Variants in AUTS2 observed in about 807,000 individuals in gnomAD.
The protein encoded by AUTS2 is autism susceptibility gene 2 protein.
In AUTS2, 17 loss-of-function variants were observed where a neutral mutation model predicts 112.4. The ratio of observed to expected loss-of-function variants is 0.15; its 90% confidence interval spans 0.10 to 0.23. The LOEUF is 0.23. Among genes scored for constraint, AUTS2 ranks in the 10% least tolerant of loss-of-function variants. The pLI, the probability that AUTS2 is intolerant of heterozygous loss-of-function variation, is 1.00. For synonymous variants in AUTS2, 751 were observed against 702.7 expected, an observed-to-expected ratio of 1.07 and a Z score of -1.09; for missense variants, 1,510 against 1,701.6, an observed-to-expected ratio of 0.89 and a Z score of 1.98.
chr7:70,543,503 T>A (rs1298848130), intron 5 of AUTS2, among the ~76,000 whole-genome samples: 9 of 144,962 alleles, frequency 6.2e-5, no homozygotes, highest in African/African-American at 1.8e-4. Flanking sequence ...CACTTGAGCC[T>A]AGGCGACAGA....
intron 1 of AUTS2, among the ~76,000 whole-genome samples, chr7:69,629,740 T>C (rs978472916): frequency 2.6e-5 from 4 of 152,120 alleles, no homozygotes; most frequent in Non-Finnish European, 4.4e-5. Flanking sequence ...GGGGACTTGC[T>C]CTCTGTGGTG....
At chr7:69,751,644 ACTT>A (rs969648335) in intron 1 of AUTS2, among the ~76,000 whole-genome samples, 1 of 152,128 alleles carries the variant, frequency 6.6e-6, no homozygotes, top group Admixed American at 6.5e-5. Context: ...CAGCATATAA[ACTT>A]CTTCAGTTAT....
intron 2 of AUTS2, among the ~76,000 whole-genome samples, chr7:70,002,961 A>G (rs2129552967): frequency 6.6e-6 from 1 of 151,706 alleles, no homozygotes; most frequent in South Asian, 2.1e-4. Flanking sequence ...ATTTTCATAT[A>G]ATGTTAATTT....
intron 13 of AUTS2, chr7:70,776,742 A>C: frequency 2.9e-6 from 1 of 348,376 alleles, no homozygotes; most frequent in Non-Finnish European, 5.4e-6. Context: ...TAGCATGGCA[A>C]CATTTGTTAA....
intron 1 of AUTS2, among the ~76,000 whole-genome samples, chr7:69,703,911 T>G (rs746091946): frequency 3.9e-5 from 6 of 152,326 alleles, no homozygotes; most frequent in Admixed American, 2.0e-4. Flanking sequence ...AATGTGAAAA[T>G]AGTAACCTGG....
At chr7:70,079,640 C>A (rs1435228943) in intron 2 of AUTS2, among the ~76,000 whole-genome samples, 1 of 152,038 alleles carries the variant, frequency 6.6e-6, no homozygotes, top group Admixed American at 6.6e-5. Flanking sequence ...TTATTTACAT[C>A]TAGTATATGG....
rs1305497729 is a variant in AUTS2, at chr7:70,685,788, G to A, written c.691-12781G>A. Reference sequence around the variant, plus strand: ...TCTTACCTAGAGAACTGGAAAACGCGATCAGTTCACCAGCAGTTCCCCGTT... The same window carrying A: ...TCTTACCTAGAGAACTGGAAAACGCAATCAGTTCACCAGCAGTTCCCCGTT... On this transcript the variant is annotated intron_variant, in intron 5 of 18. Coordinates refer to ENST00000342771, the MANE Select transcript of AUTS2 (RefSeq NM_015570.4). Among the ~76,000 whole-genome samples, 9 of 152,238 alleles carry A rather than the reference G, an allele frequency of 5.9e-5. No individual in the cohort carries two copies. The South Asian group carries it at 6.2e-4, about 11-fold the overall frequency.
At chr7:70,260,873 C>A (rs1345026734) in intron 4 of AUTS2, among the ~76,000 whole-genome samples, 1 of 151,922 alleles carries the variant, frequency 6.6e-6, no homozygotes, top group Non-Finnish European at 1.5e-5. Flanking sequence ...CCTCAGCCTC[C>A]TGAGTAGCTG....
At chr7:70,494,209 G>T (rs535534042) in intron 5 of AUTS2, among the ~76,000 whole-genome samples, 2 of 152,116 alleles carry the variant, frequency 1.3e-5, no homozygotes, top group African/African-American at 4.8e-5. Context: ...TTGCTAAGAA[G>T]CTTGGATTTT....
At chr7:69,901,107 A>T (rs189679341) in intron 2 of AUTS2, among the ~76,000 whole-genome samples, 2 of 152,070 alleles carry the variant, frequency 1.3e-5, no homozygotes, top group Non-Finnish European at 2.9e-5. Flanking sequence ...ATTTAGATGA[A>T]GTTTTATTTA....
intron 1 of AUTS2, among the ~76,000 whole-genome samples, chr7:69,866,290 C>T (rs1280524212): frequency 6.6e-6 from 1 of 152,168 alleles, no homozygotes; most frequent in Non-Finnish European, 1.5e-5. Context: ...AACAACCCAG[C>T]CCTGTCTTTT....
In AUTS2 at chr7:69,993,868, G is replaced by C. The variant is rs985975559; in HGVS notation, c.522+94370G>C. Among the ~76,000 whole-genome samples the C allele has an allele frequency of 2.0e-5, 3 of 152,120 alleles. No homozygotes were observed. The East Asian group carries it at 5.8e-4, about 29-fold the overall frequency. ...ATTTGAAAGTCTAATGCAGAATAAA[G>C]TAGTAGTAGTTATCCCCTGGCAGAG... is the stretch of plus-strand genomic sequence containing the variant. On this transcript the variant is annotated intron_variant, in intron 2 of 18. Transcript: ENST00000342771.
intron 4 of AUTS2, among the ~76,000 whole-genome samples, chr7:70,340,969 A>G (rs1287515033): frequency 6.6e-6 from 1 of 152,226 alleles, no homozygotes; most frequent in East Asian, 1.9e-4. Flanking sequence ...TATGAAACTC[A>G]AAACCCACTC....
intron 4 of AUTS2, among the ~76,000 whole-genome samples, chr7:70,416,117 C>T (rs935188688): frequency 5.9e-5 from 9 of 152,100 alleles, no homozygotes; most frequent in African/African-American, 2.2e-4. Context: ...TTTTTTCTCA[C>T]TCAGATTTTC....
At position 69,826,854 on chromosome 7, in the gene AUTS2, TCCTC is replaced by T. The variant is rs139305963; in HGVS notation, c.310-72430_310-72427del. Among the ~76,000 whole-genome samples, 667 of 152,292 alleles carry T rather than the reference TCCTC, an allele frequency of 4.4e-3. 2 individuals carry two copies. The highest frequency in any genetic ancestry group is 7.7e-3 in the Non-Finnish European group (521 of 68,020). On this transcript the variant is annotated intron_variant, in intron 1 of 18. Coordinates refer to ENST00000342771, the MANE Select transcript of AUTS2 (RefSeq NM_015570.4). ...GGGGTGGTTTATGAGTTGTTTTCCT[TCCTC>T]CAACAAATTATTGAGTGTCTAGTAT...
At chr7:70,458,716 G>C (rs1336092098) in intron 5 of AUTS2, among the ~76,000 whole-genome samples, 1 of 152,112 alleles carries the variant, frequency 6.6e-6, no homozygotes, top group African/African-American at 2.4e-5. Context: ...TCTCCTCGGG[G>C]ACCATACTTT....
intron 1 of AUTS2, among the ~76,000 whole-genome samples, chr7:69,873,335 T>TCAGCC (rs1340883521): frequency 2.6e-5 from 4 of 151,982 alleles, no homozygotes; most frequent in Non-Finnish European, 5.9e-5. Flanking sequence ...TTGGTGGTTC[T>TCAGCC]CAGCCCTTAT....
chr7:70,792,487 CAAAAAAAA>C lies in AUTS2; in HGVS notation c.*1504_*1511del, dbSNP rs374096884. The C allele has an allele frequency of 2.5e-5, 2 of 78,600 alleles. No individual in the cohort carries two copies. The highest frequency in any genetic ancestry group is 4.1e-4 in the South Asian group (1 of 2,440). The allele number at this position is 78,600 out of a possible 1,614,324, so 4.9% of individuals were successfully genotyped here. A position where few individuals can be genotyped will look rare whatever the true frequency, so the allele number is the denominator to read the frequency against. On this transcript the variant is annotated 3_prime_UTR_variant, in exon 19 of 19. Coordinates refer to ENST00000342771, the MANE Select transcript of AUTS2 (RefSeq NM_015570.4). ...ATCTGACGTTGTTATCCTGTTTTTG[CAAAAAAAA>C]AAAAAAAAAAAAGTTAACTACAGAC...
At chr7:70,404,323 T>C (rs1230256853) in intron 4 of AUTS2, among the ~76,000 whole-genome samples, 1 of 152,232 alleles carries the variant, frequency 6.6e-6, no homozygotes, top group Non-Finnish European at 1.5e-5. Context: ...CTAAATTTCC[T>C]GACTTCTGCC....
Sources: gnomAD v4.1 joint callset for allele counts (sites outside exome capture counted in the v4.1 genomes callset) on GRCh38, gnomAD v4.1.1 for gene constraint, MANE v1.5 for transcripts, NCBI Gene and HGNC (gene_info 2026-07-23, HGNC 2026-07-21) for gene names.